Variants in ENPP6 observed in about 807,000 individuals in gnomAD.
ENPP6 encodes the protein ectonucleotide pyrophosphatase/phosphodiesterase 6, also known as glycerophosphocholine cholinephosphodiesterase ENPP6.
In ENPP6, 32 loss-of-function variants were observed where a neutral mutation model predicts 42.0. The observed-to-expected ratio is 0.76, with a 90% confidence interval of 0.58 to 1.02. ENPP6 has a LOEUF of 1.02. ENPP6 is among the 50% of genes least tolerant of loss of function. ENPP6 has a pLI of 0.00. For synonymous variants in ENPP6, 213 were observed against 216.0 expected, an observed-to-expected ratio of 0.99 and a Z score of 0.12; for missense variants, 552 against 566.8, an observed-to-expected ratio of 0.97 and a Z score of 0.27.
intron 1 of ENPP6, among the ~76,000 whole-genome samples, chr4:184,167,108 G>T (rs952882831): frequency 2.0e-5 from 3 of 152,184 alleles, no homozygotes; most frequent in Non-Finnish European, 4.4e-5. Context: ...AGCACATTTA[G>T]GATAGCTTTT....
At chr4:184,121,158 G>T (rs1736410597) in intron 3 of ENPP6, among the ~76,000 whole-genome samples, 1 of 152,238 alleles carries the variant, frequency 6.6e-6, no homozygotes, top group Non-Finnish European at 1.5e-5. Context: ...CTAGCCAATG[G>T]CTGTTAAAGC....
intron 7 of ENPP6, among the ~76,000 whole-genome samples, chr4:184,096,844 A>G (rs1394635797): frequency 6.6e-6 from 1 of 152,168 alleles, no homozygotes; most frequent in Non-Finnish European, 1.5e-5. Flanking sequence ...AGGACCGTGG[A>G]AGAGCCAGAC....
Position 184,172,045 on chromosome 4 carries a change from G to A in ENPP6, c.242-18312C>T, listed in dbSNP as rs181259210. Among the ~76,000 whole-genome samples, 4 of 152,222 alleles carry A rather than the reference G, an allele frequency of 2.6e-5. No homozygotes were observed. The East Asian group carries it at 7.7e-4, about 29-fold the overall frequency. ...GGTTTGGAGGGGGTGGTGAGATGAC[G>A]CTTGAGTGGTGGCGGAAATAATGAC... On this transcript the variant is annotated intron_variant, in intron 1 of 7. Coordinates refer to ENST00000296741, the MANE Select transcript of ENPP6 (RefSeq NM_153343.4).
At chr4:184,132,720 G>T (rs1001393250) in intron 2 of ENPP6, among the ~76,000 whole-genome samples, 1 of 151,408 alleles carries the variant, frequency 6.6e-6, no homozygotes, top group African/African-American at 2.4e-5. Context: ...GAATTACCTA[G>T]AATTAATTTT....
At chr4:184,097,906 G>A (rs1735938684) in intron 6 of ENPP6, among the ~76,000 whole-genome samples, 1 of 146,906 alleles carries the variant, frequency 6.8e-6, no homozygotes, top group South Asian at 2.2e-4. Context: ...GGGGAGGGAA[G>A]AGGAGCTGGA....
At chr4:184,165,587 C>T (rs1310282350) in intron 1 of ENPP6, among the ~76,000 whole-genome samples, 1 of 152,190 alleles carries the variant, frequency 6.6e-6, no homozygotes, top group African/African-American at 2.4e-5. Flanking sequence ...GCCAGACATT[C>T]TCTTATCTCT....
At chr4:184,114,825 T>C (rs1166207261) in intron 5 of ENPP6, among the ~76,000 whole-genome samples, 4 of 151,446 alleles carry the variant, frequency 2.6e-5, no homozygotes, top group African/African-American at 9.7e-5. Context: ...AACCTGCCAA[T>C]GTGTAAAATA....
At position 184,091,243 on chromosome 4, in the gene ENPP6, G is replaced by A. The variant is rs567802598; in HGVS notation, c.1257C>T (p.Ser419=). 3.8e-6 allele frequency: 6 copies of A among 1,597,044 alleles called. No individual in the cohort carries two copies. The African/African-American group carries it at 6.7e-5, about 18-fold the overall frequency. Residue 419 remains serine, a synonymous_variant, in exon 8 of 8, where the codon AGC becomes AGT. Transcript: ENST00000296741. ...RVMCMLKGRA[S]TAPPVWPSHC... is the part of the protein sequence containing the mutation. ...GGCTGGGCCAGACAGGCGGGGCAGT[G>A]CTGGCGCGGCCCTTCAGCATGCACA...
At chr4:184,201,870 T>A (rs1732910095) in intron 1 of ENPP6, among the ~76,000 whole-genome samples, 1 of 152,096 alleles carries the variant, frequency 6.6e-6, no homozygotes, top group Non-Finnish European at 1.5e-5. Flanking sequence ...AGAGTATAGT[T>A]TAAGTGGAAA....
At position 184,192,383 on chromosome 4, in the gene ENPP6, G is replaced by T. The variant is rs1319659943; in HGVS notation, c.241+25196C>A. Reference sequence around the variant, plus strand: ...GCTGTCAGAAATAGTCAATGGAAAAGGAATAGTCTTTTTCACAAATAGTGC... The same window carrying T: ...GCTGTCAGAAATAGTCAATGGAAAATGAATAGTCTTTTTCACAAATAGTGC... On this transcript the variant is annotated intron_variant, in intron 1 of 7. Transcript: ENST00000296741. Among the ~76,000 whole-genome samples, 8 of 152,178 alleles carry T rather than the reference G, an allele frequency of 5.3e-5. No individual in the cohort carries two copies. In the East Asian group the frequency reaches 1.5e-3, roughly 29 times the overall value.
At chr4:184,185,498 G>A (rs560197731) in intron 1 of ENPP6, among the ~76,000 whole-genome samples, 9 of 152,298 alleles carry the variant, frequency 5.9e-5, no homozygotes, top group African/African-American at 1.7e-4. Flanking sequence ...AGGAGGAGCC[G>A]TGTCCTTTTG....
In ENPP6 at chr4:184,104,451, A is replaced by G. The variant is rs369927678; in HGVS notation, c.994-7083T>C. Among the ~76,000 whole-genome samples, 4 of 152,304 alleles carry G rather than the reference A, an allele frequency of 2.6e-5. No homozygotes were observed. In the East Asian group the frequency reaches 7.7e-4, roughly 29 times the overall value. On this transcript the variant is annotated intron_variant, in intron 6 of 7. Transcript: ENST00000296741. Reference sequence around the variant, plus strand: ...ACGATCTTTCACCTAGCTCTGGGGAAATCTTTCCCCATCCTACCTTTGTGA... The same window carrying G: ...ACGATCTTTCACCTAGCTCTGGGGAGATCTTTCCCCATCCTACCTTTGTGA...
At chr4:184,114,154 C>A (rs992299844) in intron 5 of ENPP6, among the ~76,000 whole-genome samples, 1 of 152,000 alleles carries the variant, frequency 6.6e-6, no homozygotes, top group African/African-American at 2.4e-5. Flanking sequence ...TTAGTAAAGA[C>A]GGGTTTTCGC....
chr4:184,167,185 G>A (rs922564751), intron 1 of ENPP6, among the ~76,000 whole-genome samples: 8 of 152,056 alleles, frequency 5.3e-5, no homozygotes, highest in African/African-American at 1.4e-4. Flanking sequence ...GTGCGATCTC[G>A]GCTCACTGCA....
intron 1 of ENPP6, among the ~76,000 whole-genome samples, chr4:184,172,907 G>T (rs1209872920): frequency 6.6e-6 from 1 of 151,962 alleles, no homozygotes; most frequent in African/African-American, 2.4e-5. Context: ...AGTGTTTTTT[G>T]TTTGTTTGTT....
At chr4:184,121,658 A>G (rs1736418162) in intron 3 of ENPP6, among the ~76,000 whole-genome samples, 1 of 152,258 alleles carries the variant, frequency 6.6e-6, no homozygotes, top group African/African-American at 2.4e-5. Context: ...GGACAGACCA[A>G]TAAGCCTACA....
intron 1 of ENPP6, among the ~76,000 whole-genome samples, chr4:184,164,233 C>T (rs148826108): frequency 7.2e-5 from 11 of 152,294 alleles, no homozygotes; most frequent in South Asian, 6.2e-4. Flanking sequence ...TAGATTGCAA[C>T]GAGCATTAAA....
At chr4:184,135,002 A>G (rs1736709670) in intron 2 of ENPP6, among the ~76,000 whole-genome samples, 1 of 151,946 alleles carries the variant, frequency 6.6e-6, no homozygotes, top group Admixed American at 6.6e-5. Flanking sequence ...TTCCAAATGT[A>G]TGAGGATTTT....
At chr4:184,109,011 G>A (rs999065338) in intron 6 of ENPP6, among the ~76,000 whole-genome samples, 2 of 152,214 alleles carry the variant, frequency 1.3e-5, no homozygotes, top group African/African-American at 4.8e-5. Flanking sequence ...AGGAGTTCAA[G>A]ACCATCCTGG....
Sources: gnomAD v4.1 joint callset for allele counts (sites outside exome capture counted in the v4.1 genomes callset) on GRCh38, gnomAD v4.1.1 for gene constraint, MANE v1.5 for transcripts, NCBI Gene and HGNC (gene_info 2026-07-23, HGNC 2026-07-21) for gene names.